Variants in RANBP2 observed in about 807,000 individuals in gnomAD.
RANBP2 encodes the protein E3 SUMO-protein ligase RanBP2.
In RANBP2, 57 loss-of-function variants were observed where a neutral mutation model predicts 303.6. That is an observed-to-expected ratio of 0.19 (90% confidence interval 0.15 to 0.23). The LOEUF is 0.23. RANBP2 is among the 10% of genes least tolerant of loss of function. The pLI is 1.00. For synonymous variants in RANBP2, 1,167 were observed against 1,301.5 expected (o/e 0.90, Z 2.23); for missense variants, 3,138 against 3,780.8 (o/e 0.83, Z 4.46).
the RANBP2 span, among the ~76,000 whole-genome samples, chr2:109,191,118 A>T: frequency 6.6e-6 from 1 of 152,056 alleles, no homozygotes; most frequent in Non-Finnish European, 1.5e-5. Flanking sequence ...TTGGAGAGAG[A>T]TCCAGAGGGA....
At chr2:108,910,461 T>A in the RANBP2 span, 24 of 1,613,074 alleles carry the variant, frequency 1.5e-5, no homozygotes, top group Non-Finnish European at 1.9e-5. Context: ...TCCACATACC[T>A]CTTGGTGGGC....
the RANBP2 span, among the ~76,000 whole-genome samples, chr2:109,117,030 A>T: frequency 6.6e-6 from 1 of 152,318 alleles, no homozygotes; most frequent in East Asian, 1.9e-4. Context: ...GTGAGGTGTC[A>T]GTCTGCCCCT....
At chr2:109,106,348 G>A in the RANBP2 span, among the ~76,000 whole-genome samples, 10 of 152,022 alleles carry the variant, frequency 6.6e-5, no homozygotes, top group African/African-American at 1.9e-4. Flanking sequence ...ACCTCATTTC[G>A]TTTAAGAAAT....
chr2:109,004,623 G>A, the RANBP2 span, among the ~76,000 whole-genome samples: 3 of 152,180 alleles, frequency 2.0e-5, no homozygotes, highest in African/African-American at 7.2e-5. Context: ...AGAGGGTGGA[G>A]CAAAGGGTCT....
At chr2:109,167,308 A>T in the RANBP2 span, among the ~76,000 whole-genome samples, 1 of 152,228 alleles carries the variant, frequency 6.6e-6, no homozygotes, top group African/African-American at 2.4e-5. Context: ...CGGTAGAACC[A>T]ATTAGAACAA....
At chr2:108,753,302 A>C in intron 13 of RANBP2, 124 bp from the exon 14 acceptor site, 1 of 1,604,368 alleles carries the variant, frequency 6.2e-7, no homozygotes, top group Non-Finnish European at 8.5e-7. Flanking sequence ...CTCACACATA[A>C]GATATGACAG....
chr2:109,501,763 T>G, the RANBP2 span: 1 of 655,352 alleles, frequency 1.5e-6, no homozygotes, highest in Non-Finnish European at 2.8e-6. Context: ...GCCCCAAGGG[T>G]TCCAGGTCAT....
the RANBP2 span, among the ~76,000 whole-genome samples, chr2:109,731,636 G>A: frequency 2.0e-5 from 3 of 151,870 alleles, no homozygotes; most frequent in East Asian, 1.9e-4. Context: ...CTTGTGATCC[G>A]CACTCCTTGG....
chr2:108,786,716 T>G (rs958386469), downstream of RANBP2: 15 of 1,067,512 alleles, frequency 1.4e-5, no homozygotes, highest in Admixed American at 8.3e-5. Context: ...CCGCCGTGCG[T>G]GCCTCGGGGG....
the RANBP2 span, among the ~76,000 whole-genome samples, chr2:109,774,514 A>AT: frequency 3.1e-5 from 2 of 65,074 alleles, no homozygotes; most frequent in South Asian, 5.1e-4. Context: ...ATATATATAT[A>AT]ATATATATTA....
chr2:108,880,669 C>G, the RANBP2 span, among the ~76,000 whole-genome samples: 4 of 152,088 alleles, frequency 2.6e-5, no homozygotes, highest in African/African-American at 9.7e-5. Context: ...AATGGAAGAA[C>G]AAAGCCTGGA....
chr2:109,375,353 G>A, the RANBP2 span, among the ~76,000 whole-genome samples: 3 of 152,316 alleles, frequency 2.0e-5, no homozygotes, highest in South Asian at 2.1e-4. Context: ...CCCAGGGCAC[G>A]TCTCCCTGAC....
At chr2:109,419,422 ACAGC>A in the RANBP2 span, 109 of 1,106,174 alleles carry the variant, frequency 9.9e-5, 1 homozygote, top group Non-Finnish European at 1.3e-4. Flanking sequence ...TGGAGGCCAA[ACAGC>A]CAGGCAGCTG....
the RANBP2 span, among the ~76,000 whole-genome samples, chr2:109,370,444 T>C: frequency 6.6e-6 from 1 of 152,080 alleles, no homozygotes; most frequent in African/African-American, 2.4e-5. Context: ...TTCACCATAT[T>C]GGTCAGGCTG....
chr2:109,098,925 G>A, the RANBP2 span, among the ~76,000 whole-genome samples: 1 of 152,186 alleles, frequency 6.6e-6, no homozygotes, highest in East Asian at 1.9e-4. Flanking sequence ...ATTGCTCTGA[G>A]TTTGTTTTGT....
the RANBP2 span, among the ~76,000 whole-genome samples, chr2:109,762,879 ATAAGT>A: frequency 1.7e-5 from 2 of 116,604 alleles, no homozygotes; most frequent in African/African-American, 3.3e-5. Context: ...TATGTTTCTG[ATAAGT>A]TAAAGAAAAA....
chr2:108,726,083 C>A (rs1257756795), intron 1 of RANBP2, among the ~76,000 whole-genome samples: 1 of 152,068 alleles, frequency 6.6e-6, no homozygotes, highest in African/African-American at 2.4e-5. Flanking sequence ...CTGTGTCACC[C>A]GTGGTCCAAA....
At chr2:109,145,888 C>G in the RANBP2 span, among the ~76,000 whole-genome samples, 3 of 152,188 alleles carry the variant, frequency 2.0e-5, no homozygotes, top group Non-Finnish European at 2.9e-5. Context: ...CTGCGTAGGG[C>G]TATGGGTGTG....
At chr2:109,464,395 TAAC>T in the RANBP2 span, among the ~76,000 whole-genome samples, 4 of 152,318 alleles carry the variant, frequency 2.6e-5, no homozygotes, top group East Asian at 3.9e-4. Flanking sequence ...CATGAATACA[TAAC>T]AAAAATACAC....
Sources: allele counts gnomAD v4.1 joint callset (sites outside exome capture counted in the v4.1 genomes callset), GRCh38; gene constraint gnomAD v4.1.1; transcripts MANE v1.5; gene names NCBI Gene and HGNC (gene_info 2026-07-23, HGNC 2026-07-21).